Variants in RAP1GDS1 observed in about 807,000 individuals in gnomAD.
RAP1GDS1 encodes RAP1, GTP-GDP dissociation stimulator 1.
A neutral mutation model predicts 71.1 loss-of-function variants in RAP1GDS1; 35 were observed. That is an observed-to-expected ratio of 0.49 (90% CI 0.38 to 0.65). The LOEUF (loss-of-function observed/expected upper bound fraction) is 0.65. Ranked by LOEUF, RAP1GDS1 falls within the 30% of genes least tolerant of loss-of-function variation. RAP1GDS1 has a pLI of 0.00. For missense variants in RAP1GDS1, 663 were observed against 706.1 expected, an observed-to-expected ratio of 0.94 and a Z score of 0.69; for synonymous variants, 229 against 243.1, an observed-to-expected ratio of 0.94 and a Z score of 0.54.
chr4:98,351,538 T>C (rs1308645991), intron 3 of RAP1GDS1, among the ~76,000 whole-genome samples: 1 of 152,004 alleles, frequency 6.6e-6, no homozygotes, highest in African/African-American at 2.4e-5. Context: ...GTAGGACAGG[T>C]TATAGATGGA....
At chr4:98,346,005 A>C (rs896686504) in intron 3 of RAP1GDS1, among the ~76,000 whole-genome samples, 3 of 152,172 alleles carry the variant, frequency 2.0e-5, no homozygotes, top group Admixed American at 6.5e-5. Context: ...CTGTAGCAGC[A>C]ACAGACTCAC....
chr4:98,441,918 A>G lies in RAP1GDS1; in HGVS notation c.1697-72A>G, dbSNP rs1751922729. The G allele has an allele frequency of 2.6e-6, 4 of 1,513,040 alleles. No homozygotes were observed. The Admixed American group carries it at 7.5e-5, about 28-fold the overall frequency. 93.7% of individuals were successfully genotyped at this position (1,513,040 alleles called of 1,614,324 possible). A position where few individuals can be genotyped will look rare whatever the true frequency, so the allele number is the denominator to read the frequency against. ...TAAGCTTAGTCTTGTCAAAATAAAC[A>G]TTTTGGTATATGTTTTGGATAGACT... On this transcript the variant is annotated intron_variant, in intron 14 of 14. Transcript: ENST00000408927.
At chr4:98,434,174 G>A in intron 13 of RAP1GDS1, 112 bp downstream of exon 13, 1 of 1,245,316 alleles carries the variant, frequency 8.0e-7, no homozygotes, top group Non-Finnish European at 1.1e-6. Flanking sequence ...TTTTGCTAGT[G>A]TCTGTACCGT....
chr4:98,315,818 C>T (rs1467443063), intron 2 of RAP1GDS1, among the ~76,000 whole-genome samples: 5 of 151,974 alleles, frequency 3.3e-5, no homozygotes, highest in Non-Finnish European at 5.9e-5. Context: ...TGTTGGCACA[C>T]CTAATTACCA....
At chr4:98,441,574 C>T in intron 14 of RAP1GDS1, 2 of 984,946 alleles carry the variant, frequency 2.0e-6, no homozygotes, top group Non-Finnish European at 2.4e-6. Context: ...ATTAATCTTA[C>T]ATTGTAGAAC....
intron 4 of RAP1GDS1, among the ~76,000 whole-genome samples, chr4:98,374,761 C>G (rs1166562933): frequency 6.6e-6 from 1 of 152,072 alleles, no homozygotes; most frequent in Non-Finnish European, 1.5e-5. Context: ...TTACTTTATG[C>G]TTAGAGTATG....
intron 1 of RAP1GDS1, among the ~76,000 whole-genome samples, chr4:98,264,507 A>G (rs1013838439): frequency 6.6e-6 from 1 of 152,190 alleles, no homozygotes; most frequent in Non-Finnish European, 1.5e-5. Context: ...TATATGTCAT[A>G]TTTCAGATTC....
intron 4 of RAP1GDS1, among the ~76,000 whole-genome samples, chr4:98,355,438 G>A (rs566345718): frequency 6.6e-6 from 1 of 152,182 alleles, no homozygotes; most frequent in East Asian, 1.9e-4. Context: ...GGTTTATTCA[G>A]GATGATAGTA....
At chr4:98,300,739 A>C (rs569499465) in intron 2 of RAP1GDS1, among the ~76,000 whole-genome samples, 30 of 152,242 alleles carry the variant, frequency 2.0e-4, no homozygotes, top group East Asian at 3.9e-4. Context: ...AAACCAAAAA[A>C]CAAAAAACAA....
At chr4:98,383,309 G>A (rs1742276549) in intron 5 of RAP1GDS1, among the ~76,000 whole-genome samples, 2 of 151,322 alleles carry the variant, frequency 1.3e-5, no homozygotes, top group South Asian at 2.1e-4. Context: ...GAAAAGTAGA[G>A]GCAATTGAAA....
At chr4:98,302,685 A>G (rs988891228) in intron 2 of RAP1GDS1, among the ~76,000 whole-genome samples, 1 of 152,302 alleles carries the variant, frequency 6.6e-6, no homozygotes, top group Admixed American at 6.5e-5. Flanking sequence ...AAACTTTTAG[A>G]CTTTAAAGAT....
chr4:98,300,862 A>G (rs553760910), intron 2 of RAP1GDS1, among the ~76,000 whole-genome samples: 119 of 152,338 alleles, frequency 7.8e-4, no homozygotes, highest in African/African-American at 2.7e-3. Context: ...GTGTTAATCT[A>G]GATTACTCCA....
intron 12 of RAP1GDS1, among the ~76,000 whole-genome samples, chr4:98,433,557 G>A (rs948640367): frequency 4.6e-5 from 7 of 152,066 alleles, no homozygotes; most frequent in South Asian, 2.1e-4. Flanking sequence ...TGGGATTAAC[G>A]TCCTGAGCCA....
chr4:98,324,412 A>G (rs962054231), intron 2 of RAP1GDS1, among the ~76,000 whole-genome samples: 5 of 152,116 alleles, frequency 3.3e-5, no homozygotes, highest in African/African-American at 1.2e-4. Flanking sequence ...CAGAATTGGA[A>G]AAAACTACTT....
At chr4:98,400,522 T>C (rs899184017) in intron 6 of RAP1GDS1, among the ~76,000 whole-genome samples, 1 of 116,872 alleles carries the variant, frequency 8.6e-6, no homozygotes, top group African/African-American at 3.6e-5. Context: ...GTTGATTTTA[T>C]AGAAGTAAAA....
chr4:98,299,788 C>T (rs931781144), intron 2 of RAP1GDS1, among the ~76,000 whole-genome samples: 1 of 151,934 alleles, frequency 6.6e-6, no homozygotes, highest in African/African-American at 2.4e-5. Context: ...GCACGCGCCA[C>T]CATGCCTGGC....
intron 14 of RAP1GDS1, 114 bp downstream of exon 14, chr4:98,437,182 A>T (rs1578888093): frequency 1.8e-6 from 2 of 1,133,790 alleles, no homozygotes; most frequent in East Asian, 5.7e-5. Flanking sequence ...AAATTAGTTT[A>T]TGGAGGTTAT....
intron 14 of RAP1GDS1, among the ~76,000 whole-genome samples, chr4:98,438,586 A>ATATT (rs1751466730): frequency 7.7e-6 from 1 of 129,532 alleles, no homozygotes; most frequent in African/African-American, 3.1e-5. Context: ...ATATATATAT[A>ATATT]TATCTTTTTT....
At chr4:98,296,523 C>A (rs995253256) in intron 2 of RAP1GDS1, among the ~76,000 whole-genome samples, 3 of 152,030 alleles carry the variant, frequency 2.0e-5, no homozygotes, top group Non-Finnish European at 4.4e-5. Flanking sequence ...TTGTGTAAAT[C>A]TATGATCTAA....
Sources: allele counts gnomAD v4.1 joint callset (sites outside exome capture counted in the v4.1 genomes callset), GRCh38; gene constraint gnomAD v4.1.1; transcripts MANE v1.5; gene names NCBI Gene and HGNC (gene_info 2026-07-23, HGNC 2026-07-21).